PDK1: variants seen among roughly 807,000 people sequenced by gnomAD.
PDK1 encodes pyruvate dehydrogenase kinase 1.
Under a neutral mutation model 54.2 loss-of-function variants are expected in PDK1, and 39 were observed. That is an observed-to-expected ratio of 0.72 (90% CI 0.56 to 0.94). The LOEUF is 0.94. Ranked by LOEUF, PDK1 falls within the 40% of genes least tolerant of loss-of-function variation. The pLI is 0.00. For synonymous variants in PDK1, 221 were observed against 207.1 expected (o/e 1.07, Z -0.58); for missense variants, 552 against 566.0 (o/e 0.98, Z 0.25).
At chr2:172,643,583 G>A in the PDK1 span, among the ~76,000 whole-genome samples, 1 of 152,178 alleles carries the variant, frequency 6.6e-6, no homozygotes, top group Non-Finnish European at 1.5e-5. Flanking sequence ...CCTGGGGACA[G>A]GCCACATCTC....
the PDK1 span, among the ~76,000 whole-genome samples, chr2:172,671,430 C>A: frequency 6.7e-6 from 1 of 150,310 alleles, no homozygotes. Flanking sequence ...CTAAAATAAC[C>A]AAAATAGATT....
chr2:172,713,373 G>T, the PDK1 span, among the ~76,000 whole-genome samples: 1 of 152,210 alleles, frequency 6.6e-6, no homozygotes, highest in Admixed American at 6.5e-5. Context: ...TGGGGGACTA[G>T]CTCCTTTCTG....
the PDK1 span, among the ~76,000 whole-genome samples, chr2:172,696,016 T>C: frequency 6.6e-6 from 1 of 151,524 alleles, no homozygotes; most frequent in South Asian, 2.1e-4. Context: ...CTACTAAAAA[T>C]ACAAAAATTA....
intron 9 of PDK1, among the ~76,000 whole-genome samples, chr2:172,589,559 G>A (rs761236047): frequency 1.3e-5 from 2 of 152,226 alleles, no homozygotes. Context: ...GCTGTAAGCA[G>A]AGGGCATGGG....
chr2:172,662,157 T>C, the PDK1 span, among the ~76,000 whole-genome samples: 1 of 152,332 alleles, frequency 6.6e-6, no homozygotes, highest in East Asian at 1.9e-4. Context: ...TTTCATTATC[T>C]TTCTTTTGCC....
At chr2:172,663,984 AC>A in the PDK1 span, among the ~76,000 whole-genome samples, 1 of 113,936 alleles carries the variant, frequency 8.8e-6, no homozygotes, top group African/African-American at 3.6e-5. Flanking sequence ...TTTTTTTTTA[AC>A]CTCTCGTAGG....
intron 1 of PDK1, among the ~76,000 whole-genome samples, chr2:172,556,848 A>G (rs1688362214): frequency 6.6e-6 from 1 of 152,220 alleles, no homozygotes; most frequent in Non-Finnish European, 1.5e-5. Flanking sequence ...AACTGTTGGC[A>G]CCAACAGCAC....
chr2:172,612,673 G>GT (rs536054323), downstream of PDK1, among the ~76,000 whole-genome samples: 312 of 148,456 alleles, frequency 2.1e-3, 2 homozygotes, highest in Middle Eastern at 3.5e-3. Context: ...TACCAGTAGT[G>GT]TTTTTTTTTT....
At chr2:172,566,557 G>GAA (rs775621447) in intron 5 of PDK1, among the ~76,000 whole-genome samples, 2 of 143,868 alleles carry the variant, frequency 1.4e-5, no homozygotes, top group Non-Finnish European at 3.1e-5. Context: ...CGTCTCAAAG[G>GAA]AAAAAAAAAA....
At chr2:172,657,342 T>C in the PDK1 span, among the ~76,000 whole-genome samples, 1 of 151,256 alleles carries the variant, frequency 6.6e-6, no homozygotes, top group Non-Finnish European at 1.5e-5. Flanking sequence ...ATTGTTGATT[T>C]TTGGTTTGTT....
chr2:172,645,378 C>G, the PDK1 span, among the ~76,000 whole-genome samples: 2 of 137,942 alleles, frequency 1.4e-5, no homozygotes, highest in Non-Finnish European at 3.1e-5. Context: ...TCAAGCGGTT[C>G]TCCTGGAGCT....
chr2:172,645,260 C>CTTT, the PDK1 span, among the ~76,000 whole-genome samples: 13,671 of 51,052 alleles, frequency 0.27, 5,555 homozygotes, highest in Non-Finnish European at 0.35. Context: ...ACAAAATAGG[C>CTTT]TTTTTTTTTT....
the PDK1 span, among the ~76,000 whole-genome samples, chr2:172,620,617 G>A: frequency 6.6e-6 from 1 of 152,088 alleles, no homozygotes; most frequent in South Asian, 2.1e-4. Flanking sequence ...GGACTTAGTG[G>A]GAGGTGACTG....
the PDK1 span, among the ~76,000 whole-genome samples, chr2:172,636,025 G>A: frequency 6.6e-6 from 1 of 152,192 alleles, no homozygotes; most frequent in African/African-American, 2.4e-5. Context: ...GGCCCCACAT[G>A]GCGTGGTTTC....
rs1691117064 is a variant in PDK1 at position 172,601,560 on chromosome 2, G to A, written c.*5591G>A. 1 of 152,206 alleles carries A rather than the reference G, an allele frequency of 6.6e-6. No homozygotes were observed. The highest frequency in any genetic ancestry group is 1.5e-5 in the Non-Finnish European group (1 of 68,056). The allele number at this position is 152,206 out of a possible 1,614,324, so 9.4% of individuals were successfully genotyped here. On this transcript the variant is annotated 3_prime_UTR_variant, in exon 11 of 11. Transcript: ENST00000282077. ...CATTCTTCCTGCTGCCCTGTGAAGAGGTGCCTTCCACCATGATTGTGAGTT... is the reference window on the plus strand; with the variant it reads ...CATTCTTCCTGCTGCCCTGTGAAGAAGTGCCTTCCACCATGATTGTGAGTT...
At chr2:172,628,479 C>G in the PDK1 span, among the ~76,000 whole-genome samples, 1 of 152,340 alleles carries the variant, frequency 6.6e-6, no homozygotes, top group Non-Finnish European at 1.5e-5. Context: ...CTGCCCCCCA[C>G]TTCCCTTTCA....
At chr2:172,643,324 A>G in the PDK1 span, among the ~76,000 whole-genome samples, 387 of 152,218 alleles carry the variant, frequency 2.5e-3, 16 homozygotes, top group South Asian at 0.055. Context: ...TTTGTCAAAT[A>G]CTTGAGTCAT....
chr2:172,675,076 C>T, the PDK1 span, among the ~76,000 whole-genome samples: 1 of 152,240 alleles, frequency 6.6e-6, no homozygotes, highest in South Asian at 2.1e-4. Context: ...CCACGAAGCA[C>T]GCTCATAGCA....
the PDK1 span, among the ~76,000 whole-genome samples, chr2:172,654,007 T>TAGAC: frequency 6.6e-6 from 1 of 152,100 alleles, no homozygotes; most frequent in African/African-American, 2.4e-5. Context: ...ATGCAGCCAA[T>TAGAC]AGACACATGA....
Sources: gnomAD v4.1 joint callset for allele counts (sites outside exome capture counted in the v4.1 genomes callset) on GRCh38, gnomAD v4.1.1 for gene constraint, MANE v1.5 for transcripts, NCBI Gene and HGNC (gene_info 2026-07-23, HGNC 2026-07-21) for gene names.